Variants in CHID1 observed in about 807,000 individuals in gnomAD.
CHID1 encodes chitinase domain containing 1.
Under a neutral mutation model 55.4 loss-of-function variants are expected in CHID1, and 44 were observed. The observed-to-expected ratio is 0.79, with a 90% confidence interval of 0.62 to 1.02. The LOEUF is 1.02. Among genes scored for constraint, CHID1 ranks in the 50% least tolerant of loss-of-function variants. The pLI, the probability that CHID1 is intolerant of heterozygous loss-of-function variation, is 0.00. For synonymous variants in CHID1, 216 were observed against 212.9 expected (o/e 1.01, Z -0.13); for missense variants, 491 against 515.3 (o/e 0.95, Z 0.46).
At chr11:876,590 G>T (rs927333663) in intron 10 of CHID1, among the ~76,000 whole-genome samples, 1 of 152,226 alleles carries the variant, frequency 6.6e-6, no homozygotes, top group East Asian at 1.9e-4. Context: ...CCCAGCAGCA[G>T]GGTTGCCTCT....
At chr11:892,303 T>A (rs1383492180) in intron 8 of CHID1, among the ~76,000 whole-genome samples, 1 of 152,102 alleles carries the variant, frequency 6.6e-6, no homozygotes, top group East Asian at 1.9e-4. Flanking sequence ...TCAGCCCAGC[T>A]GGCACATAAG....
chr11:870,244 T>C (rs111245740), intron 11 of CHID1, 81 bp from the exon 12 acceptor site: 3 of 1,578,008 alleles, frequency 1.9e-6, no homozygotes, highest in Non-Finnish European at 1.7e-6. Context: ...CCACGGCCTG[T>C]ACTCCTCCCA....
chr11:905,136 C>T (rs750998305), intron 1 of CHID1, among the ~76,000 whole-genome samples: 1 of 152,236 alleles, frequency 6.6e-6, no homozygotes, highest in Non-Finnish European at 1.5e-5. Context: ...CCCCTCACAG[C>T]CCAAGGCCGC....
chr11:877,197 C>G (rs1253026398), intron 10 of CHID1, among the ~76,000 whole-genome samples: 1 of 152,162 alleles, frequency 6.6e-6, no homozygotes, highest in Non-Finnish European at 1.5e-5. Flanking sequence ...AATCAGAATT[C>G]CTTGGCCCCA....
chr11:873,918 C>T (rs566827118), intron 10 of CHID1, among the ~76,000 whole-genome samples: 1 of 152,226 alleles, frequency 6.6e-6, no homozygotes, highest in Non-Finnish European at 1.5e-5. Context: ...ACACAAAACA[C>T]ACCGAGACGC....
intron 10 of CHID1, among the ~76,000 whole-genome samples, chr11:878,879 C>T (rs1849698679): frequency 6.6e-6 from 1 of 151,816 alleles, no homozygotes; most frequent in Non-Finnish European, 1.5e-5. Context: ...CGGAGTCTCA[C>T]TCTGTCACCC....
intron 7 of CHID1, among the ~76,000 whole-genome samples, chr11:898,584 G>A (rs774594155): frequency 1.3e-5 from 2 of 152,218 alleles, no homozygotes; most frequent in Non-Finnish European, 2.9e-5. Flanking sequence ...CGGGGCAGTC[G>A]CCCACTTTGG....
intron 8 of CHID1, among the ~76,000 whole-genome samples, chr11:891,291 C>A (rs764782842): frequency 6.6e-6 from 1 of 152,186 alleles, no homozygotes; most frequent in African/African-American, 2.4e-5. Flanking sequence ...TCCCCGGGGA[C>A]CCCCACCGTG....
chr11:905,073 G>T (rs1852111682), intron 1 of CHID1, among the ~76,000 whole-genome samples: 1 of 152,130 alleles, frequency 6.6e-6, no homozygotes. Flanking sequence ...TGAGCCACTG[G>T]TTCCTCCTAG....
At position 869,809 on chromosome 11, in the gene CHID1, T is replaced by A. The variant is rs777998047; in HGVS notation, c.*49A>T. ...CTGTATTTCACACCTGCTCACTCAC[T>A]CCATGGCTTAGAAAAGAACACGTCC... On this transcript the variant is annotated 3_prime_UTR_variant, in exon 13 of 13. Transcript: ENST00000323578. 6.5e-7 allele frequency: 1 copy of A among 1,537,396 alleles called. No individual in the cohort carries two copies. Among genetic ancestry groups the A allele is most frequent in the African/African-American group, 1.4e-5 (1 of 73,364 alleles).
chr11:884,192 C>A (rs1850226870), intron 8 of CHID1, 23 bp from the exon 9 acceptor site: 1 of 1,593,838 alleles, frequency 6.3e-7, no homozygotes, highest in Admixed American at 1.7e-5. Context: ...GGTGCAGCCA[C>A]CTCAGGCTGC....
At chr11:895,745 G>A (rs993903427) in intron 7 of CHID1, among the ~76,000 whole-genome samples, 10 of 152,134 alleles carry the variant, frequency 6.6e-5, no homozygotes, top group East Asian at 1.9e-4. Context: ...GGCACAATGC[G>A]GGCTGGGGTC....
Position 869,911 on chromosome 11 carries a change from C to A in CHID1, c.1129G>T (p.Val377Phe), listed in dbSNP as rs1372720094. Residue 377 changes from valine (V) to phenylalanine (F), a missense_variant, in exon 13 of 13, where the codon GTC becomes TTC. Physicochemically the swap from Val to Phe is conservative, Grantham distance 50. Coordinates refer to ENST00000323578, the MANE Select transcript of CHID1 (RefSeq NM_023947.4). ...LELARELGVG[V>F]SIWELGQGLD... ...CCCTGGCCCAGCTCCCAGATAGAGA[C>A]CCCAACGCCCAGCTCCCGGGCCAGC... The A allele has an allele frequency of 1.2e-6, 2 of 1,612,772 alleles. No homozygotes were observed.
rs879134700 is a variant in CHID1, at chr11:900,857, C to T, written c.439+79G>A. ...CAGCACAGCCGGGTGATCAGGAACA[C>T]GTGGAGACCCCAGTGCCCACCTGTC... On this transcript the variant is annotated intron_variant, in intron 5 of 12. Coordinates refer to ENST00000323578, the MANE Select transcript of CHID1 (RefSeq NM_023947.4). The T allele has an allele frequency of 1.1e-4, 130 of 1,201,894 alleles. 3 individuals carry two copies. In the South Asian group the frequency reaches 1.7e-3, roughly 15 times the overall value. 74.5% of individuals were successfully genotyped at this position (1,201,894 alleles called of 1,614,324 possible). A position where few individuals can be genotyped will look rare whatever the true frequency, so the allele number is the denominator to read the frequency against.
chr11:910,372 A>ATCT (rs2134393482), intron 1 of CHID1, among the ~76,000 whole-genome samples: 1 of 151,994 alleles, frequency 6.6e-6, no homozygotes, highest in Admixed American at 6.5e-5. Context: ...CTGCCACACG[A>ATCT]GCCGCGCGCT....
upstream of CHID1, chr11:910,871 C>CGCACG (rs1852628727): frequency 2.8e-6 from 3 of 1,066,430 alleles, no homozygotes; most frequent in Non-Finnish European, 3.4e-6. Context: ...GCCGCCGCCG[C>CGCACG]GCACGGCACG....
intron 8 of CHID1, among the ~76,000 whole-genome samples, chr11:892,230 G>C (rs1850895349): frequency 6.6e-6 from 1 of 152,220 alleles, no homozygotes; most frequent in Non-Finnish European, 1.5e-5. Flanking sequence ...TGAGGTTGCT[G>C]GGCTGCAGGA....
intron 10 of CHID1, among the ~76,000 whole-genome samples, chr11:878,105 C>A (rs1371925115): frequency 1.3e-5 from 2 of 152,360 alleles, no homozygotes; most frequent in Non-Finnish European, 2.9e-5. Context: ...CCTTGGACTT[C>A]TCAGCCTCTA....
chr11:898,650 A>C (rs1851569985), intron 7 of CHID1, among the ~76,000 whole-genome samples: 1 of 152,198 alleles, frequency 6.6e-6, no homozygotes, highest in Non-Finnish European at 1.5e-5. Flanking sequence ...GGGCAGGACC[A>C]AGGAAGGGCC....
Sources: allele counts gnomAD v4.1 joint callset (sites outside exome capture counted in the v4.1 genomes callset), GRCh38; gene constraint gnomAD v4.1.1; transcripts MANE v1.5; gene names NCBI Gene and HGNC (gene_info 2026-07-23, HGNC 2026-07-21).